The following DARS1 variants were observed in gnomAD, a reference collection of about 807,000 sequenced individuals.
The protein encoded by DARS1 is aspartyl-tRNA synthetase 1.
Under a neutral mutation model 68.8 loss-of-function variants are expected in DARS1, and 51 were observed. That is an observed-to-expected ratio of 0.74 (90% CI 0.59 to 0.94). DARS1 has a LOEUF of 0.94. Ranked by LOEUF, DARS1 falls within the 40% of genes least tolerant of loss-of-function variation. The pLI, the probability that DARS1 is intolerant of heterozygous loss-of-function variation, is 0.00. For synonymous variants in DARS1, 203 were observed against 190.4 expected (o/e 1.07, Z -0.55); for missense variants, 607 against 597.3 (o/e 1.02, Z -0.17).
chr2:135,911,028 G>T, intron 15 of DARS1, 111 bp downstream of exon 15: 2 of 594,852 alleles, frequency 3.4e-6, no homozygotes, highest in East Asian at 3.0e-5. Flanking sequence ...TTGTTTCTTG[G>T]AAATCAAATT....
At chr2:135,908,885 A>C (rs995819032) in intron 15 of DARS1, among the ~76,000 whole-genome samples, 1 of 152,194 alleles carries the variant, frequency 6.6e-6, no homozygotes, top group Non-Finnish European at 1.5e-5. Flanking sequence ...GATCAACCCA[A>C]ATGCCCATCA....
At chr2:135,912,622 AT>A (rs1680920128) in intron 12 of DARS1, 56 bp from the exon 13 acceptor site, 5 of 680,732 alleles carry the variant, frequency 7.3e-6, no homozygotes, top group Non-Finnish European at 1.3e-5. Flanking sequence ...AATGGCTAAC[AT>A]TTTGGTAATT....
At chr2:135,924,652 C>T (rs1351284218) in intron 7 of DARS1, among the ~76,000 whole-genome samples, 154 bp from the exon 8 acceptor site, 1 of 152,026 alleles carries the variant, frequency 6.6e-6, no homozygotes, top group Non-Finnish European at 1.5e-5. Context: ...CGAATAAATA[C>T]AAGGCAAAAA....
intron 1 of DARS1, among the ~76,000 whole-genome samples, chr2:135,984,654 C>T (rs1267449136): frequency 6.6e-6 from 1 of 152,136 alleles, no homozygotes; most frequent in African/African-American, 2.4e-5. Context: ...CTAAGATGAC[C>T]TTACTTCTCA....
At chr2:135,948,349 T>C (rs1681771790) in intron 4 of DARS1, among the ~76,000 whole-genome samples, 4 of 152,140 alleles carry the variant, frequency 2.6e-5, no homozygotes, top group Non-Finnish European at 5.9e-5. Flanking sequence ...ACAGACAATA[T>C]ACACTCCTAT....
chr2:135,911,199 T>C lies in DARS1; in HGVS notation c.1354A>G (p.Ile452Val). The C allele has an allele frequency of 6.5e-7, 1 of 1,531,650 alleles. No homozygotes were observed. The highest frequency in any genetic ancestry group is 9.0e-7 in the Non-Finnish European group (1 of 1,105,936). 94.9% of individuals were successfully genotyped at this position (1,531,650 alleles called of 1,614,324 possible). Residue 452 changes from isoleucine (I) to valine (V), a missense_variant, in exon 15 of 16, where the codon ATT becomes GTT. Physicochemically the swap from Ile to Val is conservative, Grantham distance 29. Transcript: ENST00000264161. Reference sequence around the variant, plus strand: ...CGGAAGGAATCAATGTAAGCCTTAATTTTCTCCAAATCTGCAAAAAGACAC... The same window carrying C: ...CGGAAGGAATCAATGTAAGCCTTAACTTTCTCCAAATCTGCAAAAAGACAC... ...ALHHGIDLEKIKAYIDSFRFG... is the reference protein window; with the variant it reads ...ALHHGIDLEKVKAYIDSFRFG...
chr2:135,934,499 A>G (rs1681424011), intron 5 of DARS1, among the ~76,000 whole-genome samples: 1 of 151,848 alleles, frequency 6.6e-6, no homozygotes, highest in Admixed American at 6.6e-5. Flanking sequence ...GCACGTGCCT[A>G]AAATCCCAGC....
intron 4 of DARS1, among the ~76,000 whole-genome samples, chr2:135,955,933 A>G (rs931058028): frequency 1.1e-4 from 17 of 152,132 alleles, no homozygotes; most frequent in African/African-American, 3.6e-4. Context: ...TGCTGGGATT[A>G]TAAGTGTGAG....
chr2:135,908,373 A>T (rs553596532), intron 15 of DARS1, among the ~76,000 whole-genome samples: 1 of 152,314 alleles, frequency 6.6e-6, no homozygotes, highest in Admixed American at 6.5e-5. Context: ...AGCATTGTGC[A>T]ATCATCACTG....
At chr2:135,915,194 T>A (rs1254455151) in intron 11 of DARS1, among the ~76,000 whole-genome samples, 1 of 152,158 alleles carries the variant, frequency 6.6e-6, no homozygotes, top group Non-Finnish European at 1.5e-5. Flanking sequence ...TTCCTTTCCC[T>A]CCTAAATACA....
At chr2:135,936,687 A>G (rs1045231420) in intron 5 of DARS1, among the ~76,000 whole-genome samples, 6 of 152,198 alleles carry the variant, frequency 3.9e-5, no homozygotes, top group East Asian at 1.9e-4. Context: ...GTTTGTCTTT[A>G]CTAGGTTACA....
chr2:135,919,606 ATTTTC>A (rs565511836), intron 10 of DARS1, among the ~76,000 whole-genome samples: 49 of 152,302 alleles, frequency 3.2e-4, no homozygotes, highest in Middle Eastern at 3.4e-3. Context: ...ACTCGGTTCT[ATTTTC>A]TTTTCCTATT....
chr2:135,957,715 G>A (rs894029576), intron 4 of DARS1, among the ~76,000 whole-genome samples: 1 of 152,040 alleles, frequency 6.6e-6, no homozygotes, highest in Admixed American at 6.6e-5. Flanking sequence ...GCACAGACCA[G>A]CAGTTCTAAA....
Position 135,922,861 on chromosome 2 carries a change from T to G in DARS1, c.734A>C (p.Tyr245Ser). The G allele has an allele frequency of 1.3e-6, 2 of 1,586,110 alleles. No individual in the cohort carries two copies. Among genetic ancestry groups the G allele is most frequent in the Admixed American group, 1.8e-5 (1 of 56,350 alleles). ...ATATAGCTGTGGGGACTGAGCCAGG[T>G]ATGCATTATTTTTAAAATATGACAC... ...FTVSYFKNNAYLAQSPQLYKQ... is the reference protein window; with the variant it reads ...FTVSYFKNNASLAQSPQLYKQ... The change falls in exon 9 of 16, where the codon TAC becomes TCC. Residue 245 changes from tyrosine (Y) to serine (S), a missense_variant. Tyr to Ser is a moderately radical substitution (Grantham distance 144). Coordinates refer to ENST00000264161, the MANE Select transcript of DARS1 (RefSeq NM_001349.4).
intron 4 of DARS1, among the ~76,000 whole-genome samples, chr2:135,947,842 A>C (rs765730496): frequency 1.2e-4 from 18 of 152,024 alleles, no homozygotes; most frequent in Non-Finnish European, 2.4e-4. Context: ...AAAAACAAAA[A>C]AACAACAACA....
At chr2:135,926,649 A>G (rs1447500782) in intron 7 of DARS1, among the ~76,000 whole-genome samples, 1 of 152,390 alleles carries the variant, frequency 6.6e-6, no homozygotes, top group African/African-American at 2.4e-5. Context: ...ATAACAAGAA[A>G]GAAAAACAAA....
chr2:135,936,454 G>A (rs1441133846), intron 5 of DARS1, among the ~76,000 whole-genome samples: 2 of 151,778 alleles, frequency 1.3e-5, no homozygotes, highest in African/African-American at 2.4e-5. Flanking sequence ...AGAGCGCAGT[G>A]GTGTGATCAC....
chr2:135,957,376 C>T (rs566933784), intron 4 of DARS1, among the ~76,000 whole-genome samples: 29 of 152,176 alleles, frequency 1.9e-4, no homozygotes, highest in Admixed American at 1.0e-3. Flanking sequence ...TACATGTGCC[C>T]GCCACCATGC....
In DARS1 at chr2:135,979,299, T is replaced by C; in HGVS notation, c.192A>G (p.Ala64=). 6.8e-7 allele frequency: 1 copy of C among 1,477,126 alleles called. No individual in the cohort carries two copies. 91.5% of individuals were successfully genotyped at this position (1,477,126 alleles called of 1,614,324 possible). A position where few individuals can be genotyped will look rare whatever the true frequency, so the allele number is the denominator to read the frequency against. Residue 64 remains alanine (A), a synonymous_variant, in exon 3 of 16, where the codon GCA becomes GCG. Transcript: ENST00000264161. ...QKADEVVWVR[A]RVHTSRAKGK... is the part of the protein sequence containing the mutation. ...CTTTAGCTCTGCTTGTATGAACTCTTGCACGTACCCAAACAACTTCATCAG... is the reference window on the plus strand; with the variant it reads ...CTTTAGCTCTGCTTGTATGAACTCTCGCACGTACCCAAACAACTTCATCAG...
Sources: gnomAD v4.1 joint callset for allele counts (sites outside exome capture counted in the v4.1 genomes callset) on GRCh38, gnomAD v4.1.1 for gene constraint, MANE v1.5 for transcripts, NCBI Gene and HGNC (gene_info 2026-07-23, HGNC 2026-07-21) for gene names.